Variants in EPHA2 observed in about 807,000 individuals in gnomAD.
EPHA2 encodes the protein EPH receptor A2.
EPHA2 carries 54 observed loss-of-function variants against 104.9 expected under a neutral mutation model. That is an observed-to-expected ratio of 0.51 (90% CI 0.41 to 0.65). EPHA2 has a LOEUF of 0.65. Ranked by LOEUF, EPHA2 falls within the 30% of genes least tolerant of loss-of-function variation. EPHA2 has a pLI of 0.00. For synonymous variants in EPHA2, 560 were observed against 559.1 expected (o/e 1.00, Z -0.02); for missense variants, 1,117 against 1,369.5 (o/e 0.82, Z 2.91).
rs904571558 is a variant in EPHA2, at chr1:16,125,063, G to A, written c.*152C>T. On this transcript the variant is annotated 3_prime_UTR_variant, in exon 17 of 17. Transcript: ENST00000358432. The surrounding 1 kb of genome is among the most constrained non-coding windows in gnomAD (Gnocchi z 4.9). Reference sequence around the variant, plus strand: ...CTGGTCATCTCCTCAGTTCAGGCCAGGGTGTCATCCGAGACCCCTCAGCGG... The same window carrying A: ...CTGGTCATCTCCTCAGTTCAGGCCAAGGTGTCATCCGAGACCCCTCAGCGG... 8.2e-6 allele frequency: 6 copies of A among 732,244 alleles called. No homozygotes were observed. The African/African-American group carries it at 8.7e-5, about 11-fold the overall frequency. 45.4% of individuals were successfully genotyped at this position (732,244 alleles called of 1,614,324 possible).
Position 16,130,547 on chromosome 1 carries a change from C to T in EPHA2, c.2476-128G>A. ...ACATCCCAGAAACAGACAGGAAGGGCCTTTCTTGAGCTGCCACCCAACCTT... is the reference window on the plus strand; with the variant it reads ...ACATCCCAGAAACAGACAGGAAGGGTCTTTCTTGAGCTGCCACCCAACCTT... On this transcript the variant is annotated intron_variant, in intron 14 of 16. Coordinates refer to ENST00000358432, the MANE Select transcript of EPHA2 (RefSeq NM_004431.5). This position sits in a 1 kb window ranked among gnomAD's most constrained non-coding sequence, Gnocchi z 4.5. 1.1e-6 allele frequency: 1 copy of T among 949,138 alleles called. No homozygotes were observed. The highest frequency in any genetic ancestry group is 1.5e-6 in the Non-Finnish European group (1 of 670,192). The allele number at this position is 949,138 out of a possible 1,614,324, so 58.8% of individuals were successfully genotyped here. A position where few individuals can be genotyped will look rare whatever the true frequency, so the allele number is the denominator to read the frequency against.
At chr1:16,133,017 G>A (rs2024607718) in intron 11 of EPHA2, 163 bp downstream of exon 11, 19 of 949,220 alleles carry the variant, frequency 2.0e-5, no homozygotes, top group Non-Finnish European at 2.9e-5. Context: ...GGTGTTAGGA[G>A]GTGGGTACAG....
In EPHA2 at chr1:16,130,211, G is replaced by C. The variant is rs918271297; in HGVS notation, c.2669+15C>G. On this transcript the variant is annotated intron_variant, in intron 15 of 16. Coordinates refer to ENST00000358432, the MANE Select transcript of EPHA2 (RefSeq NM_004431.5). The surrounding 1 kb of genome is among the most constrained non-coding windows in gnomAD (Gnocchi z 4.5). ...GAAAATTGAGGTCATCATGGGCAGA[G>C]GGCATAGAACTCACCGGGGGTCAAA... The C allele has an allele frequency of 6.2e-6, 10 of 1,613,974 alleles. 1 individual carries two copies. Among genetic ancestry groups the C allele is most frequent in the South Asian group, 3.3e-5 (3 of 91,052 alleles).
chr1:16,127,660 T>A (rs893312659), intron 16 of EPHA2, among the ~76,000 whole-genome samples: 1 of 151,966 alleles, frequency 6.6e-6, no homozygotes, highest in Non-Finnish European at 1.5e-5. Context: ...TCCTTTGAGA[T>A]CCCCATTTAT....
chr1:16,137,369 C>A (rs1266427769), intron 5 of EPHA2, among the ~76,000 whole-genome samples: 1 of 151,548 alleles, frequency 6.6e-6, no homozygotes, highest in Admixed American at 6.6e-5. Flanking sequence ...GAGGCCGAGG[C>A]GGGCGGATCG....
rs1570402807 is a variant in EPHA2 at position 16,134,364 on chromosome 1, G to A, written c.1682+104C>T. On this transcript the variant is annotated intron_variant, in intron 8 of 16. Transcript: ENST00000358432. This position sits in a 1 kb window ranked among gnomAD's most constrained non-coding sequence, Gnocchi z 4.5. ...CCATCCGGAGGCAGGGATTAGACTC[G>A]ACTAGCATCCTGTGGGCCCCATCGT... 9.7e-6 allele frequency: 12 copies of A among 1,237,656 alleles called. No homozygotes were observed. The Admixed American group carries it at 1.2e-4, about 12-fold the overall frequency. 76.7% of individuals were successfully genotyped at this position (1,237,656 alleles called of 1,614,324 possible). A position where few individuals can be genotyped will look rare whatever the true frequency, so the allele number is the denominator to read the frequency against.
At chr1:16,146,122 T>C (rs1028235680) in intron 3 of EPHA2, among the ~76,000 whole-genome samples, 1 of 152,124 alleles carries the variant, frequency 6.6e-6, no homozygotes, top group African/African-American at 2.4e-5. Flanking sequence ...GTTCCTGGCA[T>C]CTCGCGCACC....
chr1:16,137,869 G>A lies in EPHA2; in HGVS notation c.1296C>T (p.Val432=), dbSNP rs2124225360. The A allele has an allele frequency of 1.9e-6, 3 of 1,613,838 alleles. 1 individual carries two copies. In the South Asian group the frequency reaches 3.3e-5, roughly 18 times the overall value. Residue 432 remains valine, a synonymous_variant, in exon 5 of 17, where the codon GTC becomes GTT. Coordinates refer to ENST00000358432, the MANE Select transcript of EPHA2 (RefSeq NM_004431.5). ...VTSRSFRTAS[V]SINQTEPPKV... ...GGACCTCACCTGTCTGGTTGATGCTGACACTGGCAGTACGGAAGCTGCGGC... is the reference window on the plus strand; with the variant it reads ...GGACCTCACCTGTCTGGTTGATGCTAACACTGGCAGTACGGAAGCTGCGGC...
chr1:16,138,544 T>C (rs2024764493), intron 3 of EPHA2, 114 bp from the exon 4 acceptor site: 1 of 1,467,978 alleles, frequency 6.8e-7, no homozygotes, highest in South Asian at 1.2e-5. Flanking sequence ...GGTCAGTAAA[T>C]CTCTATGGAC....
chr1:16,153,087 T>C (rs2025074029), intron 1 of EPHA2: 1 of 980,486 alleles, frequency 1.0e-6, no homozygotes, highest in African/African-American at 1.8e-5. Context: ...AAGCAGGGCT[T>C]ATCCATGAGC....
In EPHA2 at chr1:16,155,864, C is replaced by T. The variant is rs1223643227; in HGVS notation, c.69G>A (p.Ala23=). 6.9e-7 allele frequency: 1 copy of T among 1,457,014 alleles called. No individual in the cohort carries two copies. The highest frequency in any genetic ancestry group is 9.0e-7 in the Non-Finnish European group (1 of 1,110,706). 90.3% of individuals were successfully genotyped at this position (1,457,014 alleles called of 1,614,324 possible). The change falls in exon 1 of 17, where the codon GCG becomes GCA. Residue 23 remains alanine (A), a synonymous_variant. Transcript: ENST00000358432. Reference sequence around the variant, plus strand: ...CGCACTCACCTTCCTTGCCCTGCGCCGCCGCGGCCGCGGCCAGCGCACAGC... The same window carrying T: ...CGCACTCACCTTCCTTGCCCTGCGCTGCCGCGGCCGCGGCCAGCGCACAGC... The part of the protein sequence containing the change: ...LWGCALAAAA[A]AQGKEVVLLD...
rs773515355 is a variant in EPHA2, at chr1:16,133,289, C to A, written c.1944G>T (p.Leu648=). ...GCTGCTTCTCTGTGTAGCCGGCTTT[C>A]AGCGTCTTGATGGCCACCGGCACCT... The part of the protein sequence containing the change: ...KKEVPVAIKT[L]KAGYTEKQRV... The change falls in exon 11 of 17, where the codon CTG becomes CTT. Residue 648 remains leucine, a synonymous_variant. Coordinates refer to ENST00000358432, the MANE Select transcript of EPHA2 (RefSeq NM_004431.5). 5 of 1,613,780 alleles carry A rather than the reference C, an allele frequency of 3.1e-6. No individual in the cohort carries two copies. The African/African-American group carries it at 6.7e-5, about 22-fold the overall frequency.
In EPHA2 at chr1:16,130,367, G is replaced by T; in HGVS notation, c.2528C>A (p.Pro843His). 1 of 1,578,378 alleles carries T rather than the reference G, an allele frequency of 6.3e-7. No homozygotes were observed. Among genetic ancestry groups the T allele is most frequent in the Non-Finnish European group, 8.6e-7 (1 of 1,156,572 alleles). ...CATCATGAGCTGGTAGATGGCGGAG[G>T]GGCAGTCCATGGGTGTGGGGAGCCG... ...GFRLPTPMDC[P>H]SAIYQLMMQC... The change falls in exon 15 of 17, where the codon CCC becomes CAC. Residue 843 changes from proline (P) to histidine (H), a missense_variant. By Grantham distance (77) the Pro-to-His change is moderately conservative (BLOSUM62 -2). This residue lies in a region of EPHA2 where 340 missense variants were observed against 480.5 expected (regional missense o/e 0.71). Transcript: ENST00000358432. The surrounding 1 kb of genome is among the most constrained non-coding windows in gnomAD (Gnocchi z 4.5).
Position 16,134,666 on chromosome 1 carries a change from G to C in EPHA2, c.1583-99C>G, listed in dbSNP as rs1452330134. ...CACCTGGGCCCCTACTGTGTGCTGG[G>C]TGCTTGCACTTGGGAAGGCTCCAGA... On this transcript the variant is annotated intron_variant, in intron 7 of 16. Coordinates refer to ENST00000358432, the MANE Select transcript of EPHA2 (RefSeq NM_004431.5). The surrounding 1 kb of genome is among the most constrained non-coding windows in gnomAD (Gnocchi z 4.5). 7.6e-7 allele frequency: 1 copy of C among 1,311,392 alleles called. No homozygotes were observed. The highest frequency in any genetic ancestry group is 1.5e-5 in the African/African-American group (1 of 68,440). 81.2% of individuals were successfully genotyped at this position (1,311,392 alleles called of 1,614,324 possible).
chr1:16,130,728 C>T lies in EPHA2; in HGVS notation c.2476-309G>A, dbSNP rs1211358362. Among the ~76,000 whole-genome samples, 1 of 152,030 alleles carries T rather than the reference C, an allele frequency of 6.6e-6. No homozygotes were observed. Among genetic ancestry groups the T allele is most frequent in the Non-Finnish European group, 1.5e-5 (1 of 68,006 alleles). ...CACGGCAGCCTCAACCTCCTGTGCT[C>T]AGGTGATCCTCCCACCTCCGCCTCC... On this transcript the variant is annotated intron_variant, in intron 14 of 16. Transcript: ENST00000358432. This position sits in a 1 kb window ranked among gnomAD's most constrained non-coding sequence, Gnocchi z 4.5.
chr1:16,131,497 T>C lies in EPHA2; in HGVS notation c.2475+224A>G, dbSNP rs935487030. 1.3e-5 allele frequency among the ~76,000 whole-genome samples: 2 copies of C among 152,084 alleles called. No individual in the cohort carries two copies. Among genetic ancestry groups the C allele is most frequent in the Admixed American group, 1.3e-4 (2 of 15,274 alleles). On this transcript the variant is annotated intron_variant, in intron 14 of 16. Transcript: ENST00000358432. The surrounding 1 kb of genome is among the most constrained non-coding windows in gnomAD (Gnocchi z 5.2). Reference sequence around the variant, plus strand: ...CGGGAGGCTGAGGCAGGAGAATTGCTTGAACCTGGGAGGTGGAGGTTGCAG... The same window carrying C: ...CGGGAGGCTGAGGCAGGAGAATTGCCTGAACCTGGGAGGTGGAGGTTGCAG...
chr1:16,156,021 C>A lies in EPHA2; in HGVS notation c.-89G>T. 1 of 1,185,142 alleles carries A rather than the reference C, an allele frequency of 8.4e-7. No individual in the cohort carries two copies. The highest frequency in any genetic ancestry group is 1.1e-6 in the Non-Finnish European group (1 of 896,436). 73.4% of individuals were successfully genotyped at this position (1,185,142 alleles called of 1,614,324 possible). A position where few individuals can be genotyped will look rare whatever the true frequency, so the allele number is the denominator to read the frequency against. On this transcript the variant is annotated 5_prime_UTR_variant, in exon 1 of 17. Transcript: ENST00000358432. ...ACGCCGGCCTCGGTGTCCGCTCCCG[C>A]CCGCCGGCCTGCGCGCAACTTCTGC...
chr1:16,143,076 A>G (rs1229126188), intron 3 of EPHA2, among the ~76,000 whole-genome samples: 29 of 92,750 alleles, frequency 3.1e-4, no homozygotes, highest in South Asian at 3.8e-4. Context: ...GGGGGGTATG[A>G]GTGGATGGAT....
chr1:16,127,711 C>T (rs538484285), intron 16 of EPHA2, among the ~76,000 whole-genome samples: 1 of 152,322 alleles, frequency 6.6e-6, no homozygotes, highest in South Asian at 2.1e-4. Flanking sequence ...ATGCAGGCCC[C>T]AGCTCTGAGC....
Sources: gnomAD v4.1 joint callset for allele counts (sites outside exome capture counted in the v4.1 genomes callset) on GRCh38, gnomAD v4.1.1 for gene constraint, gnomAD v4.1.1 regional missense constraint, Gnocchi (gnomAD v3.1) non-coding constraint, MANE v1.5 for transcripts, NCBI Gene and HGNC (gene_info 2026-07-23, HGNC 2026-07-21) for gene names.